The following TNPO3 variants were observed in gnomAD, a reference collection of about 807,000 sequenced individuals.
TNPO3 encodes transportin-3.
In TNPO3, 65 loss-of-function variants were observed where a neutral mutation model predicts 122.8. The ratio of observed to expected loss-of-function variants is 0.53; its 90% confidence interval spans 0.43 to 0.65. The LOEUF (loss-of-function observed/expected upper bound fraction) is 0.65. TNPO3 is among the 30% of genes least tolerant of loss of function. TNPO3 has a pLI of 0.00. For missense variants in TNPO3, 850 were observed against 1,136.7 expected (o/e 0.75, Z 3.63); for synonymous variants, 372 against 411.2 (o/e 0.90, Z 1.15).
At position 129,014,926 on chromosome 7, in the gene TNPO3, C is replaced by A; in HGVS notation, c.552+53G>T. ...AATAATGCAATTGATTACAAAATAA[C>A]CGCCATGGCTTTCTGCCTTTATGCA... On this transcript the variant is annotated intron_variant, in intron 4 of 22. Coordinates refer to ENST00000265388, the MANE Select transcript of TNPO3 (RefSeq NM_012470.4). 2.6e-6 allele frequency: 4 copies of A among 1,512,554 alleles called. 1 individual carries two copies. Among genetic ancestry groups the A allele is most frequent in the South Asian group, 1.3e-5 (1 of 76,448 alleles). 93.7% of individuals were successfully genotyped at this position (1,512,554 alleles called of 1,614,324 possible).
At position 129,013,364 on chromosome 7, in the gene TNPO3, G is replaced by A. The variant is rs566751638; in HGVS notation, c.552+1615C>T. On this transcript the variant is annotated intron_variant, in intron 4 of 22. Transcript: ENST00000265388. ...TAAAGAGACAACCTACAGAATGGGAGGAAATATTTGCAAACTACCCATCCA... is the reference window on the plus strand; with the variant it reads ...TAAAGAGACAACCTACAGAATGGGAAGAAATATTTGCAAACTACCCATCCA... 8.0e-5 allele frequency among the ~76,000 whole-genome samples: 12 copies of A among 150,154 alleles called. No individual in the cohort carries two copies. In the South Asian group the frequency reaches 2.3e-3, roughly 29 times the overall value.
At chr7:129,009,665 G>A (rs563748143) in intron 4 of TNPO3, among the ~76,000 whole-genome samples, 70 of 152,228 alleles carry the variant, frequency 4.6e-4, no homozygotes, top group Non-Finnish European at 9.1e-4. Context: ...AAATACATGT[G>A]GATGGGATTA....
rs1469569173 is a variant in TNPO3, at chr7:129,000,585, A to T, written c.873-18T>A. 6.2e-7 allele frequency: 1 copy of T among 1,605,058 alleles called. No homozygotes were observed. On this transcript the variant is annotated intron_variant, in intron 6 of 22. Coordinates refer to ENST00000265388, the MANE Select transcript of TNPO3 (RefSeq NM_012470.4). ...TCAGAACTCTGTAGAAGACAGGGGA[A>T]TGAGAACAATGAGTCAGAAATCTGG...
At chr7:129,003,832 C>T (rs1802276921) in intron 5 of TNPO3, among the ~76,000 whole-genome samples, 1 of 152,186 alleles carries the variant, frequency 6.6e-6, no homozygotes, top group Admixed American at 6.5e-5. Context: ...AATCCTGGAA[C>T]ACTAATTAAC....
intron 16 of TNPO3, among the ~76,000 whole-genome samples, chr7:128,977,519 G>A (rs147775097): frequency 1.4e-4 from 22 of 152,226 alleles, no homozygotes; most frequent in Admixed American, 3.9e-4. Context: ...TACCAACACC[G>A]CACCAGCATG....
At position 128,955,272 on chromosome 7, in the gene TNPO3, C is replaced by G; in HGVS notation, c.*145G>C. On this transcript the variant is annotated 3_prime_UTR_variant, in exon 23 of 23. Coordinates refer to ENST00000265388, the MANE Select transcript of TNPO3 (RefSeq NM_012470.4). ...TCAGAAGGCTGGAGTCTCTCCCTGT[C>G]TGGCGGGACACCCTGGTGGCGGTGA... The G allele has an allele frequency of 2.2e-6, 1 of 454,508 alleles. No homozygotes were observed. Among genetic ancestry groups the G allele is most frequent in the Non-Finnish European group, 4.4e-6 (1 of 226,722 alleles). The allele number at this position is 454,508 out of a possible 1,614,324, so 28.2% of individuals were successfully genotyped here. A position where few individuals can be genotyped will look rare whatever the true frequency, so the allele number is the denominator to read the frequency against.
intron 1 of TNPO3, among the ~76,000 whole-genome samples, chr7:129,047,983 G>A (rs1426618026): frequency 6.6e-6 from 1 of 152,180 alleles, no homozygotes; most frequent in African/African-American, 2.4e-5. Context: ...CACTTTGGGA[G>A]TCTGAGGTGA....
In TNPO3 at chr7:129,017,223, T is replaced by C. The variant is rs3857852; in HGVS notation, c.322-167A>G. 0.64 allele frequency among the ~76,000 whole-genome samples: 96,769 copies of C among 151,984 alleles called. 31,125 individuals are homozygous for C. The highest frequency in any genetic ancestry group is 0.71 in the Middle Eastern group (210 of 294). On this transcript the variant is annotated intron_variant, in intron 2 of 22. Transcript: ENST00000265388. ...CAATTCTATACATCTGATGTAAACT[T>C]TTTTGGGTTAGCTACAAATTGCTGA...
chr7:129,024,174 A>C (rs1450219119), intron 1 of TNPO3, among the ~76,000 whole-genome samples: 5 of 152,186 alleles, frequency 3.3e-5, no homozygotes, highest in Non-Finnish European at 7.3e-5. Flanking sequence ...CTGAACACTT[A>C]ACTCTGAGGA....
At chr7:128,998,411 G>A (rs748993623) in intron 7 of TNPO3, among the ~76,000 whole-genome samples, 1 of 152,220 alleles carries the variant, frequency 6.6e-6, no homozygotes, top group Non-Finnish European at 1.5e-5. Flanking sequence ...CTGGAGCACA[G>A]TGGCACAATC....
At chr7:128,979,498 G>A (rs1386882742) in intron 15 of TNPO3, among the ~76,000 whole-genome samples, 1 of 152,208 alleles carries the variant, frequency 6.6e-6, no homozygotes, top group Non-Finnish European at 1.5e-5. Context: ...CTAGAGTTAA[G>A]GAAATGGCAT....
intron 1 of TNPO3, among the ~76,000 whole-genome samples, chr7:129,040,776 G>T (rs1480052163): frequency 6.6e-6 from 1 of 152,066 alleles, no homozygotes; most frequent in African/African-American, 2.4e-5. Flanking sequence ...TTGTGCAAAT[G>T]TATCAAGTAG....
chr7:128,962,125 G>C (rs1029718517), intron 21 of TNPO3, among the ~76,000 whole-genome samples: 5 of 152,058 alleles, frequency 3.3e-5, no homozygotes, highest in Admixed American at 2.6e-4. Context: ...CAGCACTTTG[G>C]GAGGCCGAGG....
intron 20 of TNPO3, 47 bp downstream of exon 20, chr7:128,970,101 T>C: frequency 2.5e-6 from 4 of 1,611,732 alleles, no homozygotes; most frequent in Non-Finnish European, 3.4e-6. Context: ...CCAAAGCCTA[T>C]TACATTTAGG....
At chr7:129,005,289 A>C (rs894503835) in intron 4 of TNPO3, 130 bp from the exon 5 acceptor site, 4 of 879,042 alleles carry the variant, frequency 4.6e-6, no homozygotes, top group Non-Finnish European at 3.3e-6. Flanking sequence ...GTGCTTTTTA[A>C]GTTTAAGTGT....
In TNPO3 at chr7:128,971,844, G is replaced by A. The variant is rs552599485; in HGVS notation, c.2430+582C>T. On this transcript the variant is annotated intron_variant, in intron 19 of 22. Transcript: ENST00000265388. ...CCATAAAGTTATTCCAACTCTTTTTGGTCTAGAGCTTTCCCTCGTCTGATC... is the reference window on the plus strand; with the variant it reads ...CCATAAAGTTATTCCAACTCTTTTTAGTCTAGAGCTTTCCCTCGTCTGATC... 2.8e-4 allele frequency among the ~76,000 whole-genome samples: 42 copies of A among 152,138 alleles called. No individual in the cohort carries two copies. In the South Asian group the frequency reaches 8.3e-3, roughly 30 times the overall value.
chr7:128,989,503 A>C (rs1039813344), intron 11 of TNPO3, among the ~76,000 whole-genome samples: 1 of 152,234 alleles, frequency 6.6e-6, no homozygotes, highest in East Asian at 1.9e-4. Context: ...AAGGACACCC[A>C]GAGGTTATAT....
At chr7:128,986,628 A>T (rs975982363) in intron 12 of TNPO3, 101 bp downstream of exon 12, 3 of 1,121,760 alleles carry the variant, frequency 2.7e-6, no homozygotes, top group Non-Finnish European at 3.8e-6. Context: ...ATTCTTAAAC[A>T]CTAAGTACAT....
chr7:129,034,278 T>C (rs764116983), intron 1 of TNPO3, among the ~76,000 whole-genome samples: 23 of 152,074 alleles, frequency 1.5e-4, no homozygotes, highest in Admixed American at 1.3e-3. Context: ...CCCAACACTT[T>C]GGGAGACTGA....
Sources: allele counts gnomAD v4.1 joint callset (sites outside exome capture counted in the v4.1 genomes callset), GRCh38; gene constraint gnomAD v4.1.1; transcripts MANE v1.5; gene names NCBI Gene and HGNC (gene_info 2026-07-23, HGNC 2026-07-21).